Variants in ITSN1 observed in about 807,000 individuals in gnomAD.
The protein encoded by ITSN1 is intersectin 1, also known as intersectin-1.
Under a neutral mutation model 239.8 loss-of-function variants are expected in ITSN1, and 58 were observed. The observed-to-expected ratio is 0.24, with a 90% CI of 0.20 to 0.30. The LOEUF (loss-of-function observed/expected upper bound fraction) is 0.30, where lower values mean the gene tolerates loss of function less well. Among genes scored for constraint, ITSN1 ranks in the 10% least tolerant of loss-of-function variants. The pLI is 1.00. For synonymous variants in ITSN1, 780 were observed against 770.8 expected, an observed-to-expected ratio of 1.01 and a Z score of -0.20; for missense variants, 1,558 against 2,103.3, an observed-to-expected ratio of 0.74 and a Z score of 5.07.
At chr21:33,643,898 G>A (rs1003527987) in intron 1 of ITSN1, 4 of 152,250 alleles carry the variant, frequency 2.6e-5, no homozygotes, top group African/African-American at 9.7e-5. Context: ...TGTCAGCGGG[G>A]AGGCAGTTTT....
intron 19 of ITSN1, 127 bp from the exon 20 acceptor site, chr21:33,802,303 T>C (rs1260357222): frequency 4.6e-6 from 4 of 863,950 alleles, no homozygotes; most frequent in Non-Finnish European, 7.5e-6. Context: ...TTGAAACCTT[T>C]TCCTCGAATT....
intron 1 of ITSN1, among the ~76,000 whole-genome samples, chr21:33,654,934 G>C (rs36113978): frequency 6.6e-6 from 1 of 152,118 alleles, no homozygotes; most frequent in East Asian, 1.9e-4. Context: ...CCTTGATTTA[G>C]GTAGCTGGAG....
At chr21:33,710,751 T>G (rs1363658661) in intron 1 of ITSN1, among the ~76,000 whole-genome samples, 1 of 151,774 alleles carries the variant, frequency 6.6e-6, no homozygotes, top group Admixed American at 6.6e-5. Flanking sequence ...ATTTCTTCTT[T>G]GAAAGAATTC....
intron 1 of ITSN1, among the ~76,000 whole-genome samples, chr21:33,654,173 A>G (rs1226322280): frequency 6.6e-6 from 1 of 151,318 alleles, no homozygotes; most frequent in African/African-American, 2.4e-5. Context: ...CAGCCTCCCA[A>G]GTAGCTTTGA....
In ITSN1 at chr21:33,831,487, A is replaced by G. The variant is rs115140674; in HGVS notation, c.3351+1742A>G. 6.3e-3 allele frequency among the ~76,000 whole-genome samples: 966 copies of G among 152,284 alleles called. 7 individuals are homozygous for G. Among genetic ancestry groups the G allele is most frequent in the African/African-American group, 0.022 (927 of 41,554 alleles). On this transcript the variant is annotated intron_variant, in intron 27 of 39. Transcript: ENST00000381318. ...TTTGTCTGCCCATGAGCAGGACGGT[A>G]TGGAACTACGTAAGTTTGAGGGGGA...
At chr21:33,849,832 G>T (rs537348750) in intron 29 of ITSN1, among the ~76,000 whole-genome samples, 3 of 152,026 alleles carry the variant, frequency 2.0e-5, no homozygotes, top group African/African-American at 7.2e-5. Flanking sequence ...AAACCAACAG[G>T]CTCCTCCTTC....
At position 33,888,252 on chromosome 21, in the gene ITSN1, G is replaced by A. The variant is rs777429574; in HGVS notation, c.5118G>A (p.Thr1706=). The A allele has an allele frequency of 1.6e-5, 26 of 1,614,110 alleles. No individual in the cohort carries two copies. The highest frequency in any genetic ancestry group is 2.7e-5 in the African/African-American group (2 of 75,044). ...GTCTTCTGCTGCACGAAGTCCCCAC[G>A]GGAGAGATTGTGGTCCGCTTGGACC... ...TKCLLLHEVP[T]GEIVVRLDLQ... The change falls in exon 40 of 40, where the codon ACG becomes ACA. Residue 1706 remains threonine, a synonymous_variant. Coordinates refer to ENST00000381318, the MANE Select transcript of ITSN1 (RefSeq NM_003024.3).
chr21:33,882,147 T>A lies in ITSN1; in HGVS notation c.4342-96T>A. ...CCTTGACTTTTGCCTGAGATCCGAG[T>A]CTGCTGGGGCCTGGCCTCTGATTCT... On this transcript the variant is annotated intron_variant, in intron 34 of 39. Coordinates refer to ENST00000381318, the MANE Select transcript of ITSN1 (RefSeq NM_003024.3). This position sits in a 1 kb window ranked among gnomAD's most constrained non-coding sequence, Gnocchi z 4.5. 9.6e-7 allele frequency: 1 copy of A among 1,040,440 alleles called. No individual in the cohort carries two copies. The allele number at this position is 1,040,440 out of a possible 1,614,324, so 64.5% of individuals were successfully genotyped here. A position where few individuals can be genotyped will look rare whatever the true frequency, so the allele number is the denominator to read the frequency against.
In ITSN1 at chr21:33,802,410, C is replaced by T. The variant is rs2072070976; in HGVS notation, c.2305-20C>T. The T allele has an allele frequency of 6.2e-7, 1 of 1,612,594 alleles. No individual in the cohort carries two copies. Among genetic ancestry groups the T allele is most frequent in the Non-Finnish European group, 8.5e-7 (1 of 1,179,032 alleles). On this transcript the variant is annotated intron_variant, in intron 19 of 39. Transcript: ENST00000381318. ...ACATATATTTTGCCTTGCTTTCAAA[C>T]CTTTGCTTTCCTGGTGGAGGTTAAA...
At chr21:33,654,557 C>A (rs2088866069) in intron 1 of ITSN1, among the ~76,000 whole-genome samples, 1 of 152,036 alleles carries the variant, frequency 6.6e-6, no homozygotes, top group African/African-American at 2.4e-5. Flanking sequence ...CCTACACATC[C>A]AATTTCTTCC....
chr21:33,667,407 G>T (rs1255028649), intron 1 of ITSN1, among the ~76,000 whole-genome samples: 2 of 152,038 alleles, frequency 1.3e-5, no homozygotes, highest in African/African-American at 4.8e-5. Context: ...AAGCATATAC[G>T]AACTACTTGT....
intron 29 of ITSN1, among the ~76,000 whole-genome samples, chr21:33,854,051 A>G (rs1978844428): frequency 6.6e-6 from 1 of 152,200 alleles, no homozygotes; most frequent in African/African-American, 2.4e-5. Context: ...GACATCAGTA[A>G]ATATTTGCCC....
chr21:33,757,709 C>T (rs1040117160), intron 8 of ITSN1, among the ~76,000 whole-genome samples: 2 of 152,092 alleles, frequency 1.3e-5, no homozygotes, highest in Admixed American at 1.3e-4. Flanking sequence ...ATCCCCAAAG[C>T]AGTTCACTCA....
chr21:33,645,081 C>T (rs959851184), intron 1 of ITSN1, among the ~76,000 whole-genome samples: 3 of 152,134 alleles, frequency 2.0e-5, no homozygotes, highest in Non-Finnish European at 2.9e-5. Context: ...TAGGCAGCCT[C>T]CCAAAGAGCT....
At chr21:33,847,791 G>C (rs998955905) in intron 29 of ITSN1, among the ~76,000 whole-genome samples, 3 of 152,176 alleles carry the variant, frequency 2.0e-5, no homozygotes, top group South Asian at 2.1e-4. Context: ...CCTGGGCCTG[G>C]ACGGATCAGT....
intron 1 of ITSN1, among the ~76,000 whole-genome samples, chr21:33,683,397 T>G (rs1252492703): frequency 6.6e-6 from 1 of 152,176 alleles, no homozygotes; most frequent in Non-Finnish European, 1.5e-5. Flanking sequence ...AGGGCCCTGT[T>G]TATCAGAGGT....
Position 33,897,534 on chromosome 21 carries a change from A to G in ITSN1, c.*9234A>G, listed in dbSNP as rs1986854027. On this transcript the variant is annotated 3_prime_UTR_variant, in exon 40 of 40. Coordinates refer to ENST00000381318, the MANE Select transcript of ITSN1 (RefSeq NM_003024.3). The stretch of plus-strand genomic sequence containing the variant: ...GAAAAAGGCGAACTCCCACTATATA[A>G]AGGGAAAAGGTTGTATTCATTTCAT... The G allele has an allele frequency of 6.6e-6, 1 of 152,228 alleles. No homozygotes were observed. Among genetic ancestry groups the G allele is most frequent in the South Asian group, 2.1e-4 (1 of 4,826 alleles). 9.4% of individuals were successfully genotyped at this position (152,228 alleles called of 1,614,324 possible). A position where few individuals can be genotyped will look rare whatever the true frequency, so the allele number is the denominator to read the frequency against.
chr21:33,828,666 C>T (rs931740963), intron 26 of ITSN1, among the ~76,000 whole-genome samples: 7 of 151,866 alleles, frequency 4.6e-5, no homozygotes, highest in Non-Finnish European at 8.8e-5. Context: ...TTCTTTTCTC[C>T]TTTCGTTCAC....
rs556045283 is a variant in ITSN1 at position 33,773,199 on chromosome 21, G to A, written c.1305+876G>A. Among the ~76,000 whole-genome samples the A allele has an allele frequency of 2.5e-4, 38 of 152,038 alleles. 2 individuals carry two copies. In the Middle Eastern group the frequency reaches 0.014, roughly 55 times the overall value. Reference sequence around the variant, plus strand: ...TATTTTGTATTTTTAGTAGAGATGAGGTTTCACCATGTTGGTCAGGCTGAT... The same window carrying A: ...TATTTTGTATTTTTAGTAGAGATGAAGTTTCACCATGTTGGTCAGGCTGAT... On this transcript the variant is annotated intron_variant, in intron 12 of 39. Transcript: ENST00000381318.
Sources: gnomAD v4.1 joint callset for allele counts (sites outside exome capture counted in the v4.1 genomes callset) on GRCh38, gnomAD v4.1.1 for gene constraint, Gnocchi (gnomAD v3.1) non-coding constraint, MANE v1.5 for transcripts, NCBI Gene and HGNC (gene_info 2026-07-23, HGNC 2026-07-21) for gene names.